The following NSUN5 variants were observed in gnomAD, a reference collection of about 807,000 sequenced individuals.
NSUN5 encodes the protein NOP2/Sun RNA methyltransferase 5.
Under a neutral mutation model 51.1 loss-of-function variants are expected in NSUN5, and 39 were observed. The observed-to-expected ratio is 0.76, with a 90% CI of 0.59 to 1.00. The LOEUF (loss-of-function observed/expected upper bound fraction) is 1.00. NSUN5 is among the 50% of genes least tolerant of loss of function. The probability of loss-of-function intolerance (pLI) is 0.00; values close to 1 mark genes in which losing one functional copy is unlikely to be tolerated. For missense variants in NSUN5, 526 were observed against 614.0 expected, an observed-to-expected ratio of 0.86 and a Z score of 1.51; for synonymous variants, 266 against 271.5, an observed-to-expected ratio of 0.98 and a Z score of 0.20.
intron 2 of NSUN5, chr7:73,307,964 C>A (rs1265515144): frequency 6.9e-6 from 4 of 583,282 alleles, no homozygotes; most frequent in Non-Finnish European, 1.2e-5. Flanking sequence ...CAGCCTTAGA[C>A]CCTTTCTCCA....
intron 4 of NSUN5, 65 bp downstream of exon 4, chr7:73,307,329 C>T: frequency 8.6e-7 from 1 of 1,167,792 alleles, no homozygotes; most frequent in African/African-American, 1.5e-5. Flanking sequence ...ACTATCCAGC[C>T]ACTTCTCTTC....
Position 73,304,873 on chromosome 7 carries a change from G to A in NSUN5, c.640-11C>T. On this transcript the variant is annotated splice_polypyrimidine_tract_variant and intron_variant, in intron 5 of 9. Transcript: ENST00000438747. ...TGGGAGACAGCTGGCCTGGCAGGCA[G>A]AGCACAGGAGCCAGGTAAACAGAGA... 1.9e-6 allele frequency: 3 copies of A among 1,613,932 alleles called. No homozygotes were observed. The highest frequency in any genetic ancestry group is 1.7e-6 in the Non-Finnish European group (2 of 1,179,818).
In NSUN5 at chr7:73,307,706, G is replaced by A. The variant is rs1224914070; in HGVS notation, c.268C>T (p.Arg90Ter). ...TGCCGGCCCAACAGAGCCTTCCATC[G>A]GCCCCCACCCCCTCGAAAGCCCTTT... ...LGKGFRGGGG[R>*]WKALLGRHQA... The change falls in exon 3 of 10, where the codon CGA (arginine) becomes TGA (stop). Residue 90 changes from arginine to a stop codon, truncating the protein, a stop_gained. Coordinates refer to ENST00000438747, the MANE Select transcript of NSUN5 (RefSeq NM_148956.4). LOFTEE classifies it high-confidence loss of function. 9 of 1,599,614 alleles carry A rather than the reference G, an allele frequency of 5.6e-6. No homozygotes were observed. Among genetic ancestry groups the A allele is most frequent in the Non-Finnish European group, 7.7e-6 (9 of 1,173,232 alleles).
Position 73,303,667 on chromosome 7 carries a change from C to G in NSUN5, c.1219G>C (p.Ala407Pro), listed in dbSNP as rs1554541131. The G allele has an allele frequency of 6.2e-7, 1 of 1,614,190 alleles. No individual in the cohort carries two copies. The highest frequency in any genetic ancestry group is 1.7e-5 in the Admixed American group (1 of 60,020). ...CTGCTGAGTGTGGTCTCAGGGGAGGCCCGGAGGCAGTGCTCGGCACCCGGG... is the reference window on the plus strand; with the variant it reads ...CTGCTGAGTGTGGTCTCAGGGGAGGGCCGGAGGCAGTGCTCGGCACCCGGG... ...TFPGAEHCLR[A>P]SPETTLSSGF... Residue 407 changes from alanine to proline, a missense_variant, in exon 9 of 10, where the codon GCC becomes CCC. By Grantham distance (27) the Ala-to-Pro change is conservative (BLOSUM62 -1). Transcript: ENST00000438747.
Position 73,308,566 on chromosome 7 carries a change from G to T in NSUN5, c.94-13C>A, listed in dbSNP as rs1342694322. ...GCTGCTTCACGTTCTGTGTGGCCGA[G>T]GAAGACAAGCTGGGTGGGGGCTCCC... On this transcript the variant is annotated splice_polypyrimidine_tract_variant and intron_variant, in intron 1 of 9. Transcript: ENST00000438747. 7.5e-5 allele frequency: 119 copies of T among 1,594,342 alleles called. No individual in the cohort carries two copies. The highest frequency in any genetic ancestry group is 8.9e-5 in the Non-Finnish European group (104 of 1,165,626).
intron 4 of NSUN5, among the ~76,000 whole-genome samples, chr7:73,306,105 C>T (rs1312389295): frequency 3.3e-5 from 5 of 152,072 alleles, no homozygotes; most frequent in Non-Finnish European, 5.9e-5. Flanking sequence ...TTAGCATGGC[C>T]GGGCACGGTG....
rs782679537 is a variant in NSUN5 at position 73,304,344 on chromosome 7, C to T, written c.820G>A (p.Ala274Thr). ...GCCAGTTCACAGCAAGAGACGCCAG[C>T]CCGGGCCAGCAGCGTGGCCATGGAT... Reference protein sequence around the residue: ...LASMATLLARAGVSCCELAEE... With the variant: ...LASMATLLARTGVSCCELAEE... Residue 274 changes from alanine (A) to threonine (T), a missense_variant, in exon 7 of 10, where the codon GCT becomes ACT. By Grantham distance (58) the Ala-to-Thr change is moderately conservative. Coordinates refer to ENST00000438747, the MANE Select transcript of NSUN5 (RefSeq NM_148956.4). The T allele has an allele frequency of 3.7e-6, 6 of 1,614,132 alleles. No homozygotes were observed. The Admixed American group carries it at 6.7e-5, about 18-fold the overall frequency.
rs1242379219 is a variant in NSUN5, at chr7:73,303,456, G to A, written c.1360C>T (p.Gln454Ter). The change falls in exon 10 of 10, where the codon CAA becomes TAA. Residue 454 changes from glutamine to a stop codon, truncating the protein, a stop_gained. Transcript: ENST00000438747. LOFTEE classifies it high-confidence loss of function. ...SPAPKRKKRQQRAAAGACTPP... is the reference protein window; with the variant it reads ...SPAPKRKKRQ ...GTGCAAGCACCGGCTGCGGCTCTTTGCTGTCTCTTCTTTCTCTTTGGGGCT... is the reference window on the plus strand; with the variant it reads ...GTGCAAGCACCGGCTGCGGCTCTTTACTGTCTCTTCTTTCTCTTTGGGGCT... 6 of 1,614,048 alleles carry A rather than the reference G, an allele frequency of 3.7e-6. No homozygotes were observed. In the East Asian group the frequency reaches 8.9e-5, roughly 24 times the overall value.
At position 73,308,507 on chromosome 7, in the gene NSUN5, G is replaced by A; in HGVS notation, c.140C>T (p.Ser47Phe). Residue 47 changes from serine (S) to phenylalanine (F), a missense_variant, in exon 2 of 10, where the codon TCC becomes TTC. Coordinates refer to ENST00000438747, the MANE Select transcript of NSUN5 (RefSeq NM_148956.4). ...GGCGATCACAGCATCCAGCACGGCG[G>A]AGTAGCGCTGCGTTTCGCACACCAG... ...YALVCETQRY[S>F]AVLDAVIASA... The A allele has an allele frequency of 1.2e-6, 2 of 1,605,610 alleles. No homozygotes were observed. Among genetic ancestry groups the A allele is most frequent in the Non-Finnish European group, 1.7e-6 (2 of 1,174,498 alleles).
At position 73,303,839 on chromosome 7, in the gene NSUN5, G is replaced by A. The variant is rs1554541226; in HGVS notation, c.1132C>T (p.Pro378Ser). The change falls in exon 8 of 10, where the codon CCG becomes TCG. Residue 378 changes from proline to serine, a missense_variant. Physicochemically the swap from Pro to Ser is moderately conservative, Grantham distance 74. Transcript: ENST00000438747. The stretch of plus-strand genomic sequence containing the variant: ...CCCGCCCTGTACCTGAAGGCGCCCG[G>A]GTTCTGCTGCAGCGCATCTCGCACC... ...DVVRDALQQN[P>S]GAFRLAPALP... The A allele has an allele frequency of 3.1e-6, 5 of 1,613,738 alleles. No homozygotes were observed. The African/African-American group carries it at 4.0e-5, about 13-fold the overall frequency.
Position 73,307,458 on chromosome 7 carries a change from A to G in NSUN5, c.436T>C (p.Cys146Arg). 6.2e-7 allele frequency: 1 copy of G among 1,614,194 alleles called. No homozygotes were observed. Among genetic ancestry groups the G allele is most frequent in the Admixed American group, 1.7e-5 (1 of 60,022 alleles). Reference sequence around the variant, plus strand: ...AAATAATCAACTACATCATCGGAGCAGGTCTTGAGAGTGTTCACACGCACA... The same window carrying G: ...AAATAATCAACTACATCATCGGAGCGGGTCTTGAGAGTGTTCACACGCACA... ...RFVRVNTLKT[C>R]SDDVVDYFKR... is the part of the protein sequence containing the mutation. The change falls in exon 4 of 10, where the codon TGC becomes CGC. Residue 146 changes from cysteine to arginine, a missense_variant. Physicochemically the swap from Cys to Arg is radical, Grantham distance 180 (BLOSUM62 -3). Coordinates refer to ENST00000438747, the MANE Select transcript of NSUN5 (RefSeq NM_148956.4).
At chr7:73,306,357 C>T (rs1169852891) in intron 4 of NSUN5, among the ~76,000 whole-genome samples, 4 of 136,104 alleles carry the variant, frequency 2.9e-5, no homozygotes, top group Non-Finnish European at 6.1e-5. Flanking sequence ...GCACTCCAGC[C>T]TGGGCAACAA....
In NSUN5 at chr7:73,304,950, C is replaced by T. The variant is rs376596987; in HGVS notation, c.639+9G>A. On this transcript the variant is annotated intron_variant, in intron 5 of 9. Transcript: ENST00000438747. ...ACACATTCTTCCCTTTTCTATTCCT[C>T]TTGCCTACCCTGTCCTGCAGAATGA... The T allele has an allele frequency of 3.1e-6, 5 of 1,611,396 alleles. No homozygotes were observed. The highest frequency in any genetic ancestry group is 2.7e-5 in the African/African-American group (2 of 74,846).
In NSUN5 at chr7:73,307,717, C is replaced by T. The variant is rs149445689; in HGVS notation, c.257G>A (p.Gly86Glu). The T allele has an allele frequency of 6.3e-7, 1 of 1,584,568 alleles. No individual in the cohort carries two copies. The highest frequency in any genetic ancestry group is 1.1e-5 in the South Asian group (1 of 87,974). ...CAGAGCCTTCCATCGGCCCCCACCC[C>T]CTCGAAAGCCCTTTCCCAACAACAA... is the stretch of plus-strand genomic sequence containing the variant. ...YELLLGKGFR[G>E]GGGRWKALLG... Residue 86 changes from glycine to glutamate, a missense_variant, in exon 3 of 10, where the codon GGG (glycine) becomes GAG (glutamate). Gly to Glu is a moderately conservative substitution (Grantham distance 98). Transcript: ENST00000438747.
chr7:73,306,517 G>A (rs1287637425), intron 4 of NSUN5, among the ~76,000 whole-genome samples: 7 of 151,942 alleles, frequency 4.6e-5, no homozygotes, highest in African/African-American at 7.3e-5. Context: ...AAACCAGTCT[G>A]GGAAGTTCTT....
rs782192277 is a variant in NSUN5 at position 73,307,680 on chromosome 7, G to A, written c.294C>T (p.His98=). The A allele has an allele frequency of 1.2e-6, 2 of 1,612,506 alleles. No homozygotes were observed. Among genetic ancestry groups the A allele is most frequent in the Non-Finnish European group, 1.7e-6 (2 of 1,179,376 alleles). The change falls in exon 3 of 10, where the codon CAC becomes CAT. Residue 98 remains histidine (H), a synonymous_variant. Coordinates refer to ENST00000438747, the MANE Select transcript of NSUN5 (RefSeq NM_148956.4). ...GGRWKALLGR[H]QARLKAELAR... ...CCAACTCAGCCTTGAGCCTCGCCTG[G>A]TGCCGGCCCAACAGAGCCTTCCATC...
At chr7:73,305,462 CTTTTTT>C (rs782168515) in intron 4 of NSUN5, among the ~76,000 whole-genome samples, 6 of 132,132 alleles carry the variant, frequency 4.5e-5, no homozygotes, top group African/African-American at 1.4e-4. Flanking sequence ...AAAAAGTTTA[CTTTTTT>C]TTTTTTTTTT....
chr7:73,307,926 CA>C lies in NSUN5; in HGVS notation c.217-170del, dbSNP rs1481746776. On this transcript the variant is annotated intron_variant, in intron 2 of 9. Transcript: ENST00000438747. ...ATCACACCAGAAATTAACTACAGAA[CA>C]GGATCGGAACCTGGCGTCTCGCTTC... 1.7e-4 allele frequency: 111 copies of C among 667,244 alleles called. No individual in the cohort carries two copies. The East Asian group carries it at 3.0e-3, about 18-fold the overall frequency. 41.3% of individuals were successfully genotyped at this position (667,244 alleles called of 1,614,324 possible).
chr7:73,307,932 C>A, intron 2 of NSUN5, 175 bp from the exon 3 acceptor site: 1 of 637,956 alleles, frequency 1.6e-6, no homozygotes, highest in Non-Finnish European at 2.7e-6. Flanking sequence ...AGAACAGGAT[C>A]GGAACCTGGC....
Sources: allele counts gnomAD v4.1 joint callset (sites outside exome capture counted in the v4.1 genomes callset), GRCh38; gene constraint gnomAD v4.1.1; transcripts MANE v1.5; gene names NCBI Gene and HGNC (gene_info 2026-07-23, HGNC 2026-07-21).